EIF3E: variants seen among roughly 807,000 people sequenced by gnomAD.
EIF3E encodes the protein eIF-3 p48.
Under a neutral mutation model 59.3 loss-of-function variants are expected in EIF3E, and 25 were observed. That is an observed-to-expected ratio of 0.42 (90% CI 0.31 to 0.59). EIF3E has a LOEUF of 0.59. Among genes scored for constraint, EIF3E ranks in the 20% least tolerant of loss-of-function variants. The probability of loss-of-function intolerance (pLI) is 0.15; values close to 1 mark genes in which losing one functional copy is unlikely to be tolerated. For synonymous variants in EIF3E, 176 were observed against 170.2 expected, an observed-to-expected ratio of 1.03 and a Z score of -0.26; for missense variants, 317 against 534.3, an observed-to-expected ratio of 0.59 and a Z score of 4.01.
intron 10 of EIF3E, among the ~76,000 whole-genome samples, chr8:108,209,595 C>T (rs575612841): frequency 2.6e-5 from 4 of 152,190 alleles, no homozygotes; most frequent in African/African-American, 7.2e-5. Flanking sequence ...CTTTCTACCC[C>T]GTGTTTGGCC....
intron 3 of EIF3E, among the ~76,000 whole-genome samples, chr8:108,237,080 T>G (rs1451993360): frequency 6.6e-6 from 1 of 152,234 alleles, no homozygotes; most frequent in African/African-American, 2.4e-5. Context: ...ACAGCTATGC[T>G]ACATACCCTA....
intron 7 of EIF3E, among the ~76,000 whole-genome samples, chr8:108,218,143 G>A (rs998142654): frequency 4.0e-5 from 6 of 150,224 alleles, no homozygotes; most frequent in Middle Eastern, 3.4e-3. Context: ...TACTAATTTA[G>A]CACCTCTGAG....
intron 4 of EIF3E, 78 bp from the exon 5 acceptor site, chr8:108,235,180 G>A: frequency 1.2e-6 from 1 of 820,740 alleles, no homozygotes; most frequent in Non-Finnish European, 1.8e-6. Flanking sequence ...AGTCTTTGAG[G>A]TCAAAACTAT....
chr8:108,248,661 C>T lies in EIF3E; in HGVS notation c.42G>A (p.Leu14=), dbSNP rs1017638095. ...GAAGCGGAAAGACTAGATGCCGATCCAAAAAGTGCGCGATGCGAGTAGTCA... is the reference window on the plus strand; with the variant it reads ...GAAGCGGAAAGACTAGATGCCGATCTAAAAAGTGCGCGATGCGAGTAGTCA... ...YDLTTRIAHF[L]DRHLVFPLLE... The change falls in exon 1 of 13, where the codon TTG becomes TTA. Residue 14 remains leucine (L), a synonymous_variant. Transcript: ENST00000220849. 3 of 1,614,048 alleles carry T rather than the reference C, an allele frequency of 1.9e-6. No individual in the cohort carries two copies. The African/African-American group carries it at 4.0e-5, about 22-fold the overall frequency.
chr8:108,202,492 A>C (rs1815013339), intron 12 of EIF3E, among the ~76,000 whole-genome samples: 2 of 152,220 alleles, frequency 1.3e-5, no homozygotes, highest in South Asian at 4.1e-4. Context: ...TCTAACATGC[A>C]GGATCTCTAT....
In EIF3E at chr8:108,234,987, C is replaced by T; in HGVS notation, c.471+11G>A. On this transcript the variant is annotated intron_variant, in intron 5 of 12. Transcript: ENST00000220849. ...AAAAAAAAAAAAAAAAAAACATGTA[C>T]TTATACTTACCAGCACTCTAAAAAA... 2.8e-6 allele frequency: 3 copies of T among 1,052,890 alleles called. No homozygotes were observed. The highest frequency in any genetic ancestry group is 1.4e-5 in the South Asian group (1 of 71,056). 65.2% of individuals were successfully genotyped at this position (1,052,890 alleles called of 1,614,324 possible). A position where few individuals can be genotyped will look rare whatever the true frequency, so the allele number is the denominator to read the frequency against.
intron 3 of EIF3E, among the ~76,000 whole-genome samples, chr8:108,236,952 G>T (rs1815743645): frequency 6.6e-6 from 1 of 151,988 alleles, no homozygotes; most frequent in Non-Finnish European, 1.5e-5. Flanking sequence ...AACCTGGGAG[G>T]TGGAGGTTGC....
rs770466744 is a variant in EIF3E, at chr8:108,248,679, A to G, written c.24T>C (p.Thr8=). The G allele has an allele frequency of 3.7e-6, 6 of 1,614,214 alleles. No individual in the cohort carries two copies. The highest frequency in any genetic ancestry group is 5.1e-6 in the Non-Finnish European group (6 of 1,180,028). The change falls in exon 1 of 13, where the codon ACT becomes ACC. Residue 8 remains threonine, a synonymous_variant. Transcript: ENST00000220849. The part of the protein sequence containing the change: MAEYDLT[T]RIAHFLDRHL... ...GCCGATCCAAAAAGTGCGCGATGCG[A>G]GTAGTCAAGTCGTACTCCGCCATCT...
intron 10 of EIF3E, among the ~76,000 whole-genome samples, chr8:108,209,430 C>A (rs662714): frequency 0.5 from 76,206 of 151,812 alleles, 19,179 homozygotes; most frequent in African/African-American, 0.58. Context: ...TGATATGGAC[C>A]TATTTTTAAT....
At chr8:108,242,092 C>A in intron 1 of EIF3E, 179 bp from the exon 2 acceptor site, 1 of 1,453,234 alleles carries the variant, frequency 6.9e-7, no homozygotes, top group African/African-American at 1.4e-5. Context: ...AACCTATAGA[C>A]GTAAAAGTAT....
At chr8:108,244,896 G>T (rs1230795256) in intron 1 of EIF3E, among the ~76,000 whole-genome samples, 2 of 151,740 alleles carry the variant, frequency 1.3e-5, no homozygotes, top group African/African-American at 4.8e-5. Flanking sequence ...TCACATCTGT[G>T]CTTCTCTAAA....
At chr8:108,222,849 T>TTTTTTTTA (rs1554599579) in intron 7 of EIF3E, among the ~76,000 whole-genome samples, 1 of 144,398 alleles carries the variant, frequency 6.9e-6, no homozygotes. Flanking sequence ...TTTTTTTTTT[T>TTTTTTTTA]AAATAACAGA....
chr8:108,215,317 T>G (rs567185942), intron 9 of EIF3E, among the ~76,000 whole-genome samples: 1 of 152,024 alleles, frequency 6.6e-6, no homozygotes, highest in African/African-American at 2.4e-5. Flanking sequence ...TTCCATCTAA[T>G]GTTTGAAAAT....
At chr8:108,216,390 A>C in intron 9 of EIF3E, 22 bp downstream of exon 9, 30 of 1,561,874 alleles carry the variant, frequency 1.9e-5, no homozygotes, top group Non-Finnish European at 2.6e-5. Context: ...GTATTAGTTT[A>C]TAAATAAAAA....
chr8:108,241,954 C>T, intron 1 of EIF3E, 41 bp from the exon 2 acceptor site: 1 of 1,378,594 alleles, frequency 7.3e-7, no homozygotes, highest in Non-Finnish European at 1.0e-6. Context: ...TATTTAAGTT[C>T]CCCAAATAAA....
chr8:108,216,925 TATCA>T (rs145952193), intron 8 of EIF3E, among the ~76,000 whole-genome samples: 158 of 152,328 alleles, frequency 1.0e-3, no homozygotes, highest in African/African-American at 3.7e-3. Context: ...GCTCACTAAA[TATCA>T]ATCAGCATGG....
At chr8:108,221,038 G>GA (rs35414999) in intron 7 of EIF3E, among the ~76,000 whole-genome samples, 21,023 of 151,490 alleles carry the variant, frequency 0.14, 3,769 homozygotes, top group African/African-American at 0.42. Context: ...GGACAGACAG[G>GA]AAAGGACAGG....
rs780343728 is a variant in EIF3E, at chr8:108,203,516, TA to T, written c.1062-14del. 16 of 1,608,638 alleles carry T rather than the reference TA, an allele frequency of 9.9e-6. No individual in the cohort carries two copies. The Admixed American group carries it at 2.7e-4, about 27-fold the overall frequency. ...ATCTGCCAACATGCTAATGAAAAAG[TA>T]AAAACAGCAATGTTAATTAACTGGG... On this transcript the variant is annotated splice_polypyrimidine_tract_variant and intron_variant, in intron 10 of 12. Transcript: ENST00000220849.
At chr8:108,217,252 A>ATTAGTT in intron 8 of EIF3E, 82 bp downstream of exon 8, 1 of 1,130,820 alleles carries the variant, frequency 8.8e-7, no homozygotes, top group East Asian at 2.7e-5. Flanking sequence ...TACCTTAAGA[A>ATTAGTT]CTAAGTCTTA....
Sources: gnomAD v4.1 joint callset for allele counts (sites outside exome capture counted in the v4.1 genomes callset) on GRCh38, gnomAD v4.1.1 for gene constraint, MANE v1.5 for transcripts, NCBI Gene and HGNC (gene_info 2026-07-23, HGNC 2026-07-21) for gene names.